BMP2K: variants seen among roughly 807,000 people sequenced by gnomAD.
BMP2K encodes the protein BMP2 inducible kinase.
BMP2K carries 74 observed loss-of-function variants against 116.0 expected under a neutral mutation model. That is an observed-to-expected ratio of 0.64 (90% CI 0.53 to 0.77). The LOEUF (loss-of-function observed/expected upper bound fraction) is 0.77, where lower values mean the gene tolerates loss of function less well. BMP2K is among the 30% of genes least tolerant of loss of function. The pLI is 0.00. For synonymous variants in BMP2K, 486 were observed against 502.5 expected (o/e 0.97, Z 0.44); for missense variants, 1,365 against 1,403.6 (o/e 0.97, Z 0.44).
At chr4:78,802,382 T>C (rs1728606896) in intron 1 of BMP2K, among the ~76,000 whole-genome samples, 1 of 152,234 alleles carries the variant, frequency 6.6e-6, no homozygotes, top group African/African-American at 2.4e-5. Flanking sequence ...AAACACTGCT[T>C]TTCCAGGAAA....
chr4:78,871,101 T>G, intron 11 of BMP2K, 41 bp downstream of exon 11: 1 of 1,588,454 alleles, frequency 6.3e-7, no homozygotes, highest in Non-Finnish European at 8.5e-7. Context: ...TAGTGTGAAA[T>G]TGATGCAGCA....
At chr4:78,791,513 TAC>T (rs1364554549) in intron 1 of BMP2K, among the ~76,000 whole-genome samples, 1 of 152,194 alleles carries the variant, frequency 6.6e-6, no homozygotes, top group East Asian at 1.9e-4. Context: ...TGGCATCAAG[TAC>T]ATTCAAATTG....
chr4:78,834,166 T>C (rs1730344481), intron 3 of BMP2K, among the ~76,000 whole-genome samples: 1 of 152,198 alleles, frequency 6.6e-6, no homozygotes, highest in Non-Finnish European at 1.5e-5. Flanking sequence ...GAAAATCACA[T>C]TTTATTTGGA....
chr4:78,872,890 T>C, intron 13 of BMP2K, 92 bp downstream of exon 13: 1 of 1,329,556 alleles, frequency 7.5e-7, no homozygotes, highest in African/African-American at 1.5e-5. Context: ...TAAATTAGTT[T>C]AGAATTTATC....
chr4:78,884,221 G>T (rs1374721197), intron 14 of BMP2K, among the ~76,000 whole-genome samples: 2 of 152,108 alleles, frequency 1.3e-5, no homozygotes, highest in African/African-American at 4.8e-5. Flanking sequence ...CAGCAACTTG[G>T]GAGGCTGAGA....
Position 78,910,711 on chromosome 4 carries a change from C to T in BMP2K, c.2164C>T (p.Arg722Trp), listed in dbSNP as rs774044883. 23 of 1,612,846 alleles carry T rather than the reference C, an allele frequency of 1.4e-5. No homozygotes were observed. The highest frequency in any genetic ancestry group is 4.5e-5 in the East Asian group (2 of 44,874). Residue 722 changes from arginine (R) to tryptophan (W), a missense_variant, in exon 16 of 16, where the codon CGG becomes TGG. Physicochemically the swap from Arg to Trp is moderately radical, Grantham distance 101. Around this residue, in one of 3 missense-constraint regions of BMP2K, gnomAD observed 596 missense variants for 623.2 expected, o/e 0.96. Transcript: ENST00000502613. ...AACAAGTCCAGCATCTAAAGATCAG[C>T]GGACTGGAAAGAAAACCTCAGTACA... Reference protein sequence around the residue: ...GKTSPASKDQRTGKKTSVQGQ... With the variant: ...GKTSPASKDQWTGKKTSVQGQ...
chr4:78,856,147 CTTTAGAAAA>C (rs1268045052), intron 7 of BMP2K, among the ~76,000 whole-genome samples: 1 of 152,078 alleles, frequency 6.6e-6, no homozygotes, highest in Non-Finnish European at 1.5e-5. Context: ...GAGAAAATGG[CTTTAGAAAA>C]ACTATAAAAA....
At chr4:78,814,486 G>A (rs949126859) in intron 1 of BMP2K, among the ~76,000 whole-genome samples, 1 of 152,138 alleles carries the variant, frequency 6.6e-6, no homozygotes, top group Non-Finnish European at 1.5e-5. Flanking sequence ...ATTTAATCAT[G>A]GGGGCAGTTT....
chr4:78,869,293 T>A (rs940808230), intron 10 of BMP2K, among the ~76,000 whole-genome samples: 2 of 152,148 alleles, frequency 1.3e-5, no homozygotes, highest in African/African-American at 2.4e-5. Flanking sequence ...GTGATTTTTT[T>A]TTTTAACCTA....
intron 9 of BMP2K, among the ~76,000 whole-genome samples, 188 bp from the exon 10 acceptor site, chr4:78,865,365 TGTTA>T (rs1731992437): frequency 6.6e-6 from 1 of 152,182 alleles, no homozygotes; most frequent in Non-Finnish European, 1.5e-5. Flanking sequence ...TAAGGAAAAT[TGTTA>T]GTTTTATTTA....
At chr4:78,803,269 T>C (rs12648396) in intron 1 of BMP2K, among the ~76,000 whole-genome samples, 9,662 of 152,252 alleles carry the variant, frequency 0.063, 419 homozygotes, top group East Asian at 0.22. Flanking sequence ...GTAACTTCTT[T>C]AATGTCTTTT....
In BMP2K at chr4:78,850,700, C is replaced by A. The variant is rs77448545; in HGVS notation, c.751-224C>A. ...CAGCTACTTCTAATTTTTACGATAC[C>A]ATTAATTCAGCCAACTAGCCACAGA... On this transcript the variant is annotated intron_variant, in intron 6 of 15. Transcript: ENST00000502613. 4.6e-3 allele frequency among the ~76,000 whole-genome samples: 696 copies of A among 151,766 alleles called. 50 individuals are homozygous for A. The East Asian group carries it at 0.13, about 28-fold the overall frequency.
chr4:78,790,779 A>G (rs1443456507), intron 1 of BMP2K, among the ~76,000 whole-genome samples: 1 of 152,138 alleles, frequency 6.6e-6, no homozygotes, highest in Non-Finnish European at 1.5e-5. Context: ...GGAGGCTGAG[A>G]TGGAGTTTGA....
chr4:78,829,024 C>A (rs1023790703), intron 2 of BMP2K, among the ~76,000 whole-genome samples: 1 of 152,134 alleles, frequency 6.6e-6, no homozygotes, highest in Non-Finnish European at 1.5e-5. Flanking sequence ...AAATAACTCC[C>A]ACATGCTTAG....
chr4:78,791,823 A>G (rs1009507711), intron 1 of BMP2K, among the ~76,000 whole-genome samples: 8 of 151,154 alleles, frequency 5.3e-5, no homozygotes, highest in Admixed American at 3.9e-4. Flanking sequence ...AATTGTATGT[A>G]TATATCACAT....
intron 1 of BMP2K, among the ~76,000 whole-genome samples, chr4:78,811,702 G>C (rs916178671): frequency 6.6e-6 from 1 of 152,116 alleles, no homozygotes; most frequent in African/African-American, 2.4e-5. Context: ...TAGCAAGCAG[G>C]TCTATTTTTA....
At chr4:78,903,568 T>C (rs926810444) in intron 15 of BMP2K, among the ~76,000 whole-genome samples, 13 of 151,980 alleles carry the variant, frequency 8.6e-5, no homozygotes, top group Admixed American at 8.5e-4. Flanking sequence ...ATTGTCTCTA[T>C]TTTCTAGATG....
intron 14 of BMP2K, among the ~76,000 whole-genome samples, chr4:78,884,018 C>G (rs1732970730): frequency 1.3e-5 from 2 of 152,102 alleles, no homozygotes; most frequent in Admixed American, 1.3e-4. Flanking sequence ...GTATTACAGC[C>G]TGGGTGAAAC....
At chr4:78,811,248 T>G (rs1729074536) in intron 1 of BMP2K, among the ~76,000 whole-genome samples, 1 of 152,210 alleles carries the variant, frequency 6.6e-6, no homozygotes, top group African/African-American at 2.4e-5. Flanking sequence ...TCCTTGGAGT[T>G]TATCTGTAGT....
Sources: gnomAD v4.1 joint callset for allele counts (sites outside exome capture counted in the v4.1 genomes callset) on GRCh38, gnomAD v4.1.1 for gene constraint, gnomAD v4.1.1 regional missense constraint, MANE v1.5 for transcripts, NCBI Gene and HGNC (gene_info 2026-07-23, HGNC 2026-07-21) for gene names.